CD96: variants seen among roughly 807,000 people sequenced by gnomAD.
The protein encoded by CD96 is T-cell surface protein tactile.
In CD96, 70 loss-of-function variants were observed where a neutral mutation model predicts 71.3. The ratio of observed to expected loss-of-function variants is 0.98; its 90% CI spans 0.81 to 1.20. The LOEUF (loss-of-function observed/expected upper bound fraction) is 1.20. Ranked by LOEUF, CD96 falls within the 50% of genes most tolerant of loss-of-function variation. The pLI is 0.00. For synonymous variants in CD96, 248 were observed against 233.0 expected (o/e 1.06, Z -0.59); for missense variants, 742 against 677.5 (o/e 1.10, Z -1.06).
intron 2 of CD96, among the ~76,000 whole-genome samples, chr3:111,564,708 G>C (rs35433272): frequency 2.0e-5 from 3 of 151,942 alleles, no homozygotes; most frequent in Middle Eastern, 6.8e-3. Context: ...TTTGCTTCTG[G>C]TATCTTTATA....
At chr3:111,560,436 T>C (rs1935328356) in intron 2 of CD96, among the ~76,000 whole-genome samples, 1 of 147,544 alleles carries the variant, frequency 6.8e-6, no homozygotes, top group Non-Finnish European at 1.5e-5. Flanking sequence ...TTTGCTTGTC[T>C]GTAAAGTATT....
At chr3:111,567,415 T>C in intron 2 of CD96, 108 bp from the exon 3 acceptor site, 1 of 855,094 alleles carries the variant, frequency 1.2e-6, no homozygotes, top group South Asian at 1.4e-5. Flanking sequence ...AGGTGTACCC[T>C]GAGGACAGAT....
In CD96 at chr3:111,598,182, T is replaced by C. The variant is rs1359289781; in HGVS notation, c.870T>C (p.Asp290=). 2 of 1,461,190 alleles carry C rather than the reference T, an allele frequency of 1.4e-6. No homozygotes were observed. Among genetic ancestry groups the C allele is most frequent in the Non-Finnish European group, 9.6e-7 (1 of 1,041,350 alleles). The allele number at this position is 1,461,190 out of a possible 1,614,324, so 90.5% of individuals were successfully genotyped here. ...FPKANITWFI[D]GSFLHDEKEG... ...AAGCAAATATCACATGGTTTATAGATGGAAGTTTTCTTCATGATGAAAAAG... is the reference window on the plus strand; with the variant it reads ...AAGCAAATATCACATGGTTTATAGACGGAAGTTTTCTTCATGATGAAAAAG... Residue 290 remains aspartate, a synonymous_variant, in exon 6 of 14, where the codon GAT becomes GAC. Coordinates refer to ENST00000352690, the MANE Select transcript of CD96 (RefSeq NM_005816.5).
At chr3:111,580,708 A>T (rs1189898456) in intron 4 of CD96, among the ~76,000 whole-genome samples, 1 of 150,020 alleles carries the variant, frequency 6.7e-6, no homozygotes, top group Admixed American at 6.6e-5. Context: ...CTTTCTCTTC[A>T]TCTCTCCTCA....
At chr3:111,663,077 T>A (rs777703441) in intron 14 of CD96, among the ~76,000 whole-genome samples, 2 of 152,036 alleles carry the variant, frequency 1.3e-5, no homozygotes, top group Non-Finnish European at 2.9e-5. Flanking sequence ...CTCAGAAAAC[T>A]TACAAACATG....
chr3:111,612,082 G>A (rs1937972222), intron 8 of CD96, among the ~76,000 whole-genome samples: 2 of 152,234 alleles, frequency 1.3e-5, no homozygotes, highest in South Asian at 4.1e-4. Flanking sequence ...AATCGGGGCT[G>A]TGATCTGAAC....
chr3:111,549,823 T>C (rs924245552), intron 2 of CD96, among the ~76,000 whole-genome samples: 2 of 152,182 alleles, frequency 1.3e-5, no homozygotes, highest in Non-Finnish European at 2.9e-5. Flanking sequence ...TTGCATTTAA[T>C]CTTATAGATG....
At chr3:111,652,966 C>T (rs548616508), downstream of CD96, among the ~76,000 whole-genome samples, 63 of 151,774 alleles carry the variant, frequency 4.2e-4, no homozygotes, top group African/African-American at 1.3e-3. Flanking sequence ...GCCATATGTA[C>T]GCATGTTTGT....
rs368182013 is a variant in CD96 at position 111,545,401 on chromosome 3, C to T, written c.417C>T (p.His139=). 40 of 1,548,948 alleles carry T rather than the reference C, an allele frequency of 2.6e-5. No homozygotes were observed. Among genetic ancestry groups the T allele is most frequent in the South Asian group, 1.2e-4 (11 of 89,718 alleles). Residue 139 remains histidine, a splice_region_variant and synonymous_variant, in exon 2 of 14, where the codon CAC becomes CAT. Transcript: ENST00000352690. ...TCTACAACCTTCTCATTCAGACACA[C>T]GGTAAGCATAACTGGTAGAGGGATG... ...TKIYNLLIQT[H]VTADEWNSNH...
At chr3:111,584,081 G>A (rs769579897) in intron 4 of CD96, among the ~76,000 whole-genome samples, 9 of 152,092 alleles carry the variant, frequency 5.9e-5, no homozygotes, top group African/African-American at 1.4e-4. Context: ...TACACCTCTC[G>A]AATGCTTTGC....
At chr3:111,598,039 C>T in intron 5 of CD96, 81 bp from the exon 6 acceptor site, 1 of 758,144 alleles carries the variant, frequency 1.3e-6, no homozygotes, top group Non-Finnish European at 2.4e-6. Flanking sequence ...TTTTTGCCAA[C>T]TTATATGAAT....
intron 10 of CD96, among the ~76,000 whole-genome samples, chr3:111,625,754 T>A (rs1938719818): frequency 6.6e-6 from 1 of 151,938 alleles, no homozygotes. Flanking sequence ...TATGTAAAAA[T>A]TAGAATAAAA....
chr3:111,571,078 A>G (rs778476905), intron 3 of CD96: 3 of 876,428 alleles, frequency 3.4e-6, no homozygotes, highest in Non-Finnish European at 5.8e-6. Context: ...AGGTAGGTCA[A>G]GTGGAGACTA....
downstream of CD96, among the ~76,000 whole-genome samples, chr3:111,653,858 G>A (rs1434666239): frequency 6.6e-6 from 1 of 151,454 alleles, no homozygotes; most frequent in African/African-American, 2.4e-5. Flanking sequence ...AATTGTAACA[G>A]AAAACAATGA....
intron 5 of CD96, chr3:111,593,902 C>A (rs776188384): frequency 6.2e-7 from 1 of 1,613,708 alleles, no homozygotes; most frequent in Admixed American, 1.7e-5. Context: ...TTTTCAGATG[C>A]TTCCACAGTG....
In CD96 at chr3:111,579,022, A is replaced by G; in HGVS notation, c.544-5A>G. ...TCAATAACTGGTAACAATTTTTCTC[A>G]CCAGGAGGATAATGGAACTCAGGAA... On this transcript the variant is annotated splice_polypyrimidine_tract_variant and splice_region_variant and intron_variant, in intron 3 of 13. Transcript: ENST00000352690. 1 of 1,548,412 alleles carries G rather than the reference A, an allele frequency of 6.5e-7. No homozygotes were observed. Among genetic ancestry groups the G allele is most frequent in the Non-Finnish European group, 8.9e-7 (1 of 1,120,372 alleles).
At position 111,623,752 on chromosome 3, in the gene CD96, A is replaced by G. The variant is rs1938614875; in HGVS notation, c.1181-2A>G. 7 of 1,595,254 alleles carry G rather than the reference A, an allele frequency of 4.4e-6. No homozygotes were observed. Among genetic ancestry groups the G allele is most frequent in the Non-Finnish European group, 6.0e-6 (7 of 1,162,992 alleles). ...AATTTGGGAATTTTATTTTCAAAAT[A>G]GGATATCCAGCTACATCTTCAGTGA... On this transcript the variant is annotated splice_acceptor_variant, in intron 8 of 13. Coordinates refer to ENST00000352690, the MANE Select transcript of CD96 (RefSeq NM_005816.5). LOFTEE classifies it high-confidence loss of function.
chr3:111,630,822 G>C, intron 10 of CD96, among the ~76,000 whole-genome samples: 1 of 152,148 alleles, frequency 6.6e-6, no homozygotes. Context: ...GATCAAGTTG[G>C]CTTCATTCCC....
intron 14 of CD96, among the ~76,000 whole-genome samples, chr3:111,660,210 A>G (rs913605444): frequency 6.6e-6 from 1 of 152,218 alleles, no homozygotes; most frequent in Admixed American, 6.5e-5. Context: ...TAGCATTTCT[A>G]TGCACCAGAA....
Sources: allele counts gnomAD v4.1 joint callset (sites outside exome capture counted in the v4.1 genomes callset), GRCh38; gene constraint gnomAD v4.1.1; transcripts MANE v1.5; gene names NCBI Gene and HGNC (gene_info 2026-07-23, HGNC 2026-07-21).